PALLD: variants seen among roughly 807,000 people sequenced by gnomAD.
PALLD encodes palladin.
In PALLD, 61 loss-of-function variants were observed where a neutral mutation model predicts 123.5. The ratio of observed to expected loss-of-function variants is 0.49; its 90% CI spans 0.40 to 0.61. PALLD has a LOEUF of 0.61. PALLD is among the 20% of genes least tolerant of loss of function. The pLI is 0.00. For synonymous variants in PALLD, 465 were observed against 496.4 expected (o/e 0.94, Z 0.84); for missense variants, 1,273 against 1,377.0 (o/e 0.92, Z 1.20).
At chr4:168,642,108 G>A (rs1192571530) in intron 2 of PALLD, among the ~76,000 whole-genome samples, 6 of 152,198 alleles carry the variant, frequency 3.9e-5, no homozygotes, top group Non-Finnish European at 8.8e-5. Flanking sequence ...GGGATTGTGT[G>A]TTCCTTGGAT....
intron 10 of PALLD, among the ~76,000 whole-genome samples, chr4:168,784,491 G>C (rs1313360494): frequency 6.6e-6 from 1 of 152,234 alleles, no homozygotes; most frequent in Non-Finnish European, 1.5e-5. Flanking sequence ...GGAGGTACTG[G>C]TGCCCAAGTG....
chr4:168,768,742 G>A (rs529122241), intron 10 of PALLD, among the ~76,000 whole-genome samples: 81 of 151,444 alleles, frequency 5.3e-4, no homozygotes, highest in Non-Finnish European at 5.3e-4. Flanking sequence ...ATGCCATCTC[G>A]GCTCACTGCA....
Position 168,711,681 on chromosome 4 carries a change from G to T in PALLD, c.1722G>T (p.Leu574Phe), listed in dbSNP as rs756239562. ...PPPPILETSSLELASKKPSEI... is the reference protein window; with the variant it reads ...PPPPILETSSFELASKKPSEI... ...CTCCAATCTTGGAGACAAGTTCCTT[G>T]GAGTTGGCTTCAAAGAAACCATCTG... Residue 574 changes from leucine to phenylalanine, a missense_variant, in exon 10 of 22, where the codon TTG becomes TTT. Leu to Phe is a conservative substitution (Grantham distance 22, BLOSUM62 0). Transcript: ENST00000505667. 1 of 1,614,070 alleles carries T rather than the reference G, an allele frequency of 6.2e-7. No individual in the cohort carries two copies. Among genetic ancestry groups the T allele is most frequent in the South Asian group, 1.1e-5 (1 of 91,070 alleles).
At chr4:168,894,825 C>G (rs1754768778) in intron 12 of PALLD, 148 bp downstream of exon 12, 1 of 1,345,984 alleles carries the variant, frequency 7.4e-7, no homozygotes, top group East Asian at 2.5e-5. Context: ...GTCAACCTCA[C>G]AGCTAATTTT....
chr4:168,713,360 T>A (rs1785022057), intron 10 of PALLD, among the ~76,000 whole-genome samples: 1 of 152,250 alleles, frequency 6.6e-6, no homozygotes, highest in African/African-American at 2.4e-5. Context: ...CATCTTTGCA[T>A]TTTGAATATG....
chr4:168,631,490 T>G (rs1353564097), intron 2 of PALLD: 9 of 480,932 alleles, frequency 1.9e-5, no homozygotes, highest in Non-Finnish European at 2.4e-5. Flanking sequence ...GATAAGAGCA[T>G]GGAGTGAAGG....
chr4:168,793,175 G>A (rs200136493), intron 10 of PALLD, among the ~76,000 whole-genome samples: 1 of 128,658 alleles, frequency 7.8e-6, no homozygotes, highest in African/African-American at 2.9e-5. Context: ...ATATATGTGT[G>A]CATATATATA....
intron 18 of PALLD, 24 bp from the exon 19 acceptor site, chr4:168,924,231 A>G (rs768950571): frequency 2.5e-6 from 4 of 1,605,808 alleles, no homozygotes; most frequent in Non-Finnish European, 3.4e-6. Flanking sequence ...TCATTGATAG[A>G]GAATTCATCT....
chr4:168,741,345 T>TGTGTGTGTGTGTGTGTG (rs56865130), intron 10 of PALLD, among the ~76,000 whole-genome samples: 4 of 90,010 alleles, frequency 4.4e-5, no homozygotes, highest in African/African-American at 1.1e-4. Flanking sequence ...TATTTGTTTT[T>TGTGTGTGTGTGTGTGTG]TTTGTGTGTG....
intron 2 of PALLD, among the ~76,000 whole-genome samples, chr4:168,551,211 G>T (rs1462887838): frequency 6.6e-6 from 1 of 151,974 alleles, no homozygotes; most frequent in Non-Finnish European, 1.5e-5. Flanking sequence ...GTGCATTTTT[G>T]AATATGAATT....
chr4:168,845,504 T>C (rs951987164), intron 10 of PALLD, among the ~76,000 whole-genome samples: 1 of 152,244 alleles, frequency 6.6e-6, no homozygotes, highest in Middle Eastern at 3.2e-3. Flanking sequence ...GCTATTTATA[T>C]AGCCTTTACA....
At chr4:168,649,383 C>T (rs1360888696) in intron 2 of PALLD, among the ~76,000 whole-genome samples, 1 of 152,132 alleles carries the variant, frequency 6.6e-6, no homozygotes, top group Non-Finnish European at 1.5e-5. Flanking sequence ...AGAAAGCCCC[C>T]AATGGCCCTC....
chr4:168,855,976 G>A (rs571547712), intron 10 of PALLD, among the ~76,000 whole-genome samples: 1 of 152,194 alleles, frequency 6.6e-6, no homozygotes, highest in Admixed American at 6.5e-5. Context: ...GTACCCAAGA[G>A]GATGTTTTTC....
chr4:168,920,228 C>T (rs1054029294), intron 17 of PALLD, among the ~76,000 whole-genome samples: 1 of 152,216 alleles, frequency 6.6e-6, no homozygotes, highest in African/African-American at 2.4e-5. Flanking sequence ...AACACAGAGC[C>T]TGAGTGTCTC....
intron 2 of PALLD, among the ~76,000 whole-genome samples, chr4:168,536,953 G>A (rs913225864): frequency 3.3e-5 from 5 of 151,580 alleles, no homozygotes; most frequent in Admixed American, 1.3e-4. Context: ...TCAGCCTCCC[G>A]AGTAGCTGGG....
intron 2 of PALLD, among the ~76,000 whole-genome samples, chr4:168,547,343 TGTG>T (rs1766236117): frequency 6.6e-6 from 1 of 151,318 alleles, no homozygotes; most frequent in South Asian, 2.1e-4. Context: ...TGTGTGGGAG[TGTG>T]TGTGTTGTGT....
intron 10 of PALLD, chr4:168,832,185 A>C: frequency 4.1e-6 from 4 of 985,454 alleles, no homozygotes; most frequent in Non-Finnish European, 4.8e-6. Flanking sequence ...GGCGCGGGGA[A>C]TCGGCCCTGA....
chr4:168,580,703 G>A (rs1038245494), intron 2 of PALLD, among the ~76,000 whole-genome samples: 6 of 151,940 alleles, frequency 3.9e-5, no homozygotes, highest in African/African-American at 1.5e-4. Flanking sequence ...ATTCACAACA[G>A]CAAAAACATG....
chr4:168,811,516 C>T (rs1173542533), intron 10 of PALLD, among the ~76,000 whole-genome samples: 1 of 152,164 alleles, frequency 6.6e-6, no homozygotes, highest in Non-Finnish European at 1.5e-5. Flanking sequence ...GGGAGGATCT[C>T]TTGAGTCCAG....
Sources: gnomAD v4.1 joint callset for allele counts (sites outside exome capture counted in the v4.1 genomes callset) on GRCh38, gnomAD v4.1.1 for gene constraint, MANE v1.5 for transcripts, NCBI Gene and HGNC (gene_info 2026-07-23, HGNC 2026-07-21) for gene names.